ROR1: variants seen among roughly 807,000 people sequenced by gnomAD.
The protein encoded by ROR1 is ROR family WNT receptor 1.
A neutral mutation model predicts 78.8 loss-of-function variants in ROR1; 19 were observed. The observed-to-expected ratio is 0.24, with a 90% confidence interval of 0.17 to 0.35. The LOEUF (loss-of-function observed/expected upper bound fraction) is 0.35, where lower values mean the gene tolerates loss of function less well. Among genes scored for constraint, ROR1 ranks in the 10% least tolerant of loss-of-function variants. The probability of loss-of-function intolerance (pLI) is 1.00; values close to 1 mark genes in which losing one functional copy is unlikely to be tolerated. For synonymous variants in ROR1, 386 were observed against 433.6 expected, an observed-to-expected ratio of 0.89 and a Z score of 1.36; for missense variants, 917 against 1,177.8, an observed-to-expected ratio of 0.78 and a Z score of 3.24.
intron 4 of ROR1, among the ~76,000 whole-genome samples, chr1:64,054,145 G>A (rs1261259165): frequency 2.0e-5 from 3 of 152,020 alleles, no homozygotes; most frequent in Admixed American, 6.5e-5. Flanking sequence ...ACAGAGATGG[G>A]GTTTCTCCAT....
At chr1:63,786,355 C>T (rs1254618674) in intron 1 of ROR1, among the ~76,000 whole-genome samples, 1 of 141,788 alleles carries the variant, frequency 7.1e-6, no homozygotes, top group African/African-American at 2.6e-5. Flanking sequence ...TCACTGCAAG[C>T]TCCGCCTCCC....
chr1:63,968,886 G>T (rs1471503060), intron 1 of ROR1, among the ~76,000 whole-genome samples: 1 of 152,172 alleles, frequency 6.6e-6, no homozygotes, highest in Admixed American at 6.5e-5. Context: ...TTATAGAAGG[G>T]AGTGCAGACC....
In ROR1 at chr1:63,961,710, A is replaced by G. The variant is rs1407837685; in HGVS notation, c.92-47595A>G. Among the ~76,000 whole-genome samples the G allele has an allele frequency of 2.6e-5, 4 of 152,156 alleles. No individual in the cohort carries two copies. The South Asian group carries it at 8.3e-4, about 32-fold the overall frequency. ...AGGGTAGGGGAGAGTGGAGAGGGAT[A>G]TGAAATTACAGTTAATGGATATGAA... On this transcript the variant is annotated intron_variant, in intron 1 of 8. Coordinates refer to ENST00000371079, the MANE Select transcript of ROR1 (RefSeq NM_005012.4).
intron 4 of ROR1, among the ~76,000 whole-genome samples, chr1:64,079,314 T>A (rs994663102): frequency 6.6e-6 from 1 of 152,232 alleles, no homozygotes; most frequent in African/African-American, 2.4e-5. Context: ...GATGTTGTGC[T>A]GGAAATTTGG....
Position 64,177,631 on chromosome 1 carries a change from G to A in ROR1, c.1590G>A (p.Leu530=), listed in dbSNP as rs1650421177. The part of the protein sequence containing the change: ...FQQEASLMAE[L]HHPNIVCLLG... ...AAGAAGCCTCCCTAATGGCAGAACT[G>A]CACCACCCCAATATTGTCTGCCTTC... Residue 530 remains leucine, a synonymous_variant, in exon 9 of 9, where the codon CTG becomes CTA. Coordinates refer to ENST00000371079, the MANE Select transcript of ROR1 (RefSeq NM_005012.4). 2 of 1,614,166 alleles carry A rather than the reference G, an allele frequency of 1.2e-6. No individual in the cohort carries two copies. Among genetic ancestry groups the A allele is most frequent in the Middle Eastern group, 1.6e-4 (1 of 6,062 alleles).
chr1:64,141,780 C>CATT (rs1649323509), intron 6 of ROR1, among the ~76,000 whole-genome samples: 3 of 152,052 alleles, frequency 2.0e-5, no homozygotes, highest in Admixed American at 2.0e-4. Context: ...TCAGTAGCAA[C>CATT]ATTATTATTA....
chr1:63,989,580 G>A (rs1438956109), intron 1 of ROR1, among the ~76,000 whole-genome samples: 3 of 152,074 alleles, frequency 2.0e-5, no homozygotes, highest in Non-Finnish European at 4.4e-5. Flanking sequence ...TCTTTACAAT[G>A]TCACATGATA....
At chr1:63,879,779 A>G (rs549777941) in intron 1 of ROR1, among the ~76,000 whole-genome samples, 2 of 152,304 alleles carry the variant, frequency 1.3e-5, no homozygotes, top group South Asian at 4.1e-4. Flanking sequence ...TAGGAGTTGG[A>G]GAGAACAAGA....
chr1:63,933,221 C>T (rs1225205150), intron 1 of ROR1, among the ~76,000 whole-genome samples: 1 of 152,156 alleles, frequency 6.6e-6, no homozygotes, highest in East Asian at 1.9e-4. Flanking sequence ...GTAGTGGTGC[C>T]TGCTGCATCT....
At chr1:63,846,854 G>A (rs1243990048) in intron 1 of ROR1, among the ~76,000 whole-genome samples, 1 of 152,182 alleles carries the variant, frequency 6.6e-6, no homozygotes, top group Non-Finnish European at 1.5e-5. Flanking sequence ...CTCCTAATGC[G>A]GCACAGCGCG....
At chr1:63,910,672 T>A (rs562719587) in intron 1 of ROR1, among the ~76,000 whole-genome samples, 1 of 152,318 alleles carries the variant, frequency 6.6e-6, no homozygotes, top group East Asian at 1.9e-4. Context: ...TGGCCATTTG[T>A]GTTCTTCCTG....
chr1:64,019,784 T>G (rs1646549584), intron 2 of ROR1, among the ~76,000 whole-genome samples: 1 of 152,212 alleles, frequency 6.6e-6, no homozygotes, highest in South Asian at 2.1e-4. Context: ...GTATTTTGAA[T>G]AGTGACATCC....
chr1:63,959,452 A>G (rs962150579), intron 1 of ROR1, among the ~76,000 whole-genome samples: 1 of 152,144 alleles, frequency 6.6e-6, no homozygotes, highest in African/African-American at 2.4e-5. Flanking sequence ...TATGGGTAAT[A>G]GTTGCTACTC....
intron 1 of ROR1, among the ~76,000 whole-genome samples, chr1:63,892,231 G>A (rs1569869119): frequency 1.3e-5 from 2 of 152,258 alleles, no homozygotes; most frequent in South Asian, 2.1e-4. Context: ...TACAAGGAAC[G>A]GTTATACTAT....
At chr1:63,902,807 A>G (rs1645496346) in intron 1 of ROR1, among the ~76,000 whole-genome samples, 1 of 152,198 alleles carries the variant, frequency 6.6e-6, no homozygotes, top group Non-Finnish European at 1.5e-5. Context: ...ATTTCCATGG[A>G]AACTGACATT....
intron 2 of ROR1, among the ~76,000 whole-genome samples, chr1:64,035,600 G>A (rs993767940): frequency 3.3e-5 from 5 of 152,178 alleles, no homozygotes; most frequent in African/African-American, 1.2e-4. Flanking sequence ...GAACTCAGAG[G>A]TAGCCTGTTA....
intron 4 of ROR1, among the ~76,000 whole-genome samples, chr1:64,055,133 A>G (rs1646864037): frequency 1.3e-5 from 2 of 152,200 alleles, no homozygotes; most frequent in South Asian, 4.1e-4. Context: ...CAAGATACAT[A>G]TTTGGGAGGA....
At chr1:64,095,405 G>A (rs1647272976) in intron 4 of ROR1, among the ~76,000 whole-genome samples, 1 of 152,082 alleles carries the variant, frequency 6.6e-6, no homozygotes, top group Non-Finnish European at 1.5e-5. Flanking sequence ...TATTCATACA[G>A]CAAAATAATA....
chr1:63,805,023 T>C lies in ROR1; in HGVS notation c.91+30515T>C, dbSNP rs550860130. 3.3e-5 allele frequency among the ~76,000 whole-genome samples: 5 copies of C among 152,348 alleles called. No individual in the cohort carries two copies. In the South Asian group the frequency reaches 1.0e-3, roughly 32 times the overall value. ...TAATGCATTTAGTCCCTGGTGAGTA[T>C]TTCATAGCCAGATGAACTTTAATCC... is the stretch of plus-strand genomic sequence containing the variant. On this transcript the variant is annotated intron_variant, in intron 1 of 8. Transcript: ENST00000371079.
Sources: allele counts gnomAD v4.1 joint callset (sites outside exome capture counted in the v4.1 genomes callset), GRCh38; gene constraint gnomAD v4.1.1; transcripts MANE v1.5; gene names NCBI Gene and HGNC (gene_info 2026-07-23, HGNC 2026-07-21).